Variants in GPM6A observed in about 807,000 individuals in gnomAD.
The protein encoded by GPM6A is glycoprotein M6A.
GPM6A carries 7 observed loss-of-function variants against 32.1 expected under a neutral mutation model. The ratio of observed to expected loss-of-function variants is 0.22; its 90% CI spans 0.12 to 0.41. The LOEUF is 0.41. Ranked by LOEUF, GPM6A falls within the 10% of genes least tolerant of loss-of-function variation. GPM6A has a pLI of 1.00. For missense variants in GPM6A, 235 were observed against 347.2 expected, an observed-to-expected ratio of 0.68 and a Z score of 2.57; for synonymous variants, 130 against 123.4, an observed-to-expected ratio of 1.05 and a Z score of -0.35.
intron 1 of GPM6A, among the ~76,000 whole-genome samples, chr4:175,983,988 CTG>C (rs1026452654): frequency 4.9e-5 from 7 of 141,556 alleles, no homozygotes; most frequent in Non-Finnish European, 1.1e-4. Context: ...TGTGCTCTCT[CTG>C]TCTCTCTCTC....
At chr4:175,730,565 G>T (rs896876602) in intron 1 of GPM6A, among the ~76,000 whole-genome samples, 1 of 151,916 alleles carries the variant, frequency 6.6e-6, no homozygotes, top group Non-Finnish European at 1.5e-5. Flanking sequence ...CCGCCTCCCG[G>T]GTTCACGCCA....
chr4:175,776,992 C>T (rs1298369841), intron 1 of GPM6A, among the ~76,000 whole-genome samples: 1 of 152,160 alleles, frequency 6.6e-6, no homozygotes, highest in Non-Finnish European at 1.5e-5. Flanking sequence ...ACATTTTATA[C>T]ACACATGGGT....
At chr4:175,961,998 C>T in intron 1 of GPM6A, 2 of 559,954 alleles carry the variant, frequency 3.6e-6, no homozygotes, top group Non-Finnish European at 3.3e-6. Flanking sequence ...TGTATATTAA[C>T]AGGGGAGCAC....
intron 1 of GPM6A, among the ~76,000 whole-genome samples, chr4:175,873,046 A>T (rs1736960265): frequency 6.6e-6 from 1 of 152,148 alleles, no homozygotes; most frequent in Non-Finnish European, 1.5e-5. Flanking sequence ...AAAATAATAC[A>T]ATTTTATTTT....
intron 6 of GPM6A, among the ~76,000 whole-genome samples, chr4:175,639,414 G>T (rs1285575903): frequency 6.6e-6 from 1 of 152,134 alleles, no homozygotes; most frequent in African/African-American, 2.4e-5. Context: ...CAGTCGTGAG[G>T]TTACTGGGAG....
intron 1 of GPM6A, among the ~76,000 whole-genome samples, chr4:175,832,943 G>A (rs1735659626): frequency 6.6e-6 from 1 of 152,104 alleles, no homozygotes; most frequent in African/African-American, 2.4e-5. Flanking sequence ...TCTGCACTGC[G>A]AAGCCATCAT....
At chr4:175,672,031 G>A (rs1171832092) in intron 3 of GPM6A, among the ~76,000 whole-genome samples, 1 of 150,046 alleles carries the variant, frequency 6.7e-6, no homozygotes, top group African/African-American at 2.4e-5. Context: ...GTTTTGCTTC[G>A]AAAATTCCTA....
At chr4:175,745,151 A>AT (rs376982422) in intron 1 of GPM6A, among the ~76,000 whole-genome samples, 5 of 152,218 alleles carry the variant, frequency 3.3e-5, no homozygotes, top group Non-Finnish European at 4.4e-5. Context: ...GAAATACCAG[A>AT]TTTTTTTACA....
At chr4:175,755,298 C>A (rs1286566587) in intron 1 of GPM6A, among the ~76,000 whole-genome samples, 1 of 152,064 alleles carries the variant, frequency 6.6e-6, no homozygotes, top group Non-Finnish European at 1.5e-5. Flanking sequence ...AATATGGTAT[C>A]CTTAGCTATA....
intron 1 of GPM6A, among the ~76,000 whole-genome samples, chr4:175,979,227 C>T (rs1178974524): frequency 2.0e-5 from 3 of 152,090 alleles, no homozygotes; most frequent in Non-Finnish European, 4.4e-5. Flanking sequence ...CATAAACTAA[C>T]GACTTGTTTT....
chr4:175,890,948 C>T (rs191071185), intron 1 of GPM6A, among the ~76,000 whole-genome samples: 1 of 152,094 alleles, frequency 6.6e-6, no homozygotes, highest in East Asian at 1.9e-4. Flanking sequence ...TGATACATAG[C>T]CCAAATGATA....
intron 1 of GPM6A, among the ~76,000 whole-genome samples, chr4:175,802,846 A>G (rs980448698): frequency 6.6e-6 from 1 of 152,132 alleles, no homozygotes; most frequent in Non-Finnish European, 1.5e-5. Context: ...TCACAATGCT[A>G]AAAATATGTG....
At chr4:175,898,100 G>T (rs1472561978) in intron 1 of GPM6A, among the ~76,000 whole-genome samples, 2 of 152,140 alleles carry the variant, frequency 1.3e-5, no homozygotes, top group African/African-American at 4.8e-5. Context: ...CACTCTGAGA[G>T]AAACCTTCTA....
chr4:175,791,583 G>A (rs1734015433), intron 1 of GPM6A, among the ~76,000 whole-genome samples: 1 of 152,080 alleles, frequency 6.6e-6, no homozygotes, highest in Non-Finnish European at 1.5e-5. Flanking sequence ...ATTGAACTCA[G>A]AAATTGACTG....
At chr4:175,685,410 A>G (rs189258870) in intron 2 of GPM6A, among the ~76,000 whole-genome samples, 1 of 152,136 alleles carries the variant, frequency 6.6e-6, no homozygotes, top group Non-Finnish European at 1.5e-5. Flanking sequence ...GTAAGTTTTG[A>G]ACGTTTCTTG....
intron 1 of GPM6A, among the ~76,000 whole-genome samples, chr4:175,723,234 A>G (rs1746237600): frequency 6.6e-6 from 1 of 152,216 alleles, no homozygotes; most frequent in Non-Finnish European, 1.5e-5. Context: ...AAAATCCAGA[A>G]CACAAATGTG....
At chr4:175,978,914 TG>T (rs1347277503) in intron 1 of GPM6A, among the ~76,000 whole-genome samples, 1 of 152,024 alleles carries the variant, frequency 6.6e-6, no homozygotes, top group Non-Finnish European at 1.5e-5. Context: ...TTTGCAGTGT[TG>T]TATCTATTTT....
intron 1 of GPM6A, among the ~76,000 whole-genome samples, chr4:175,939,508 T>C (rs1739340495): frequency 1.3e-5 from 2 of 152,146 alleles, no homozygotes; most frequent in Admixed American, 1.3e-4. Context: ...TAAATAAAAA[T>C]CCAATAAATA....
chr4:175,825,099 G>A (rs1477511168), intron 1 of GPM6A, among the ~76,000 whole-genome samples: 1 of 152,006 alleles, frequency 6.6e-6, no homozygotes, highest in Non-Finnish European at 1.5e-5. Context: ...TATATCTCTT[G>A]TAGCCCATAA....
Sources: gnomAD v4.1 joint callset for allele counts (sites outside exome capture counted in the v4.1 genomes callset) on GRCh38, gnomAD v4.1.1 for gene constraint, MANE v1.5 for transcripts, NCBI Gene and HGNC (gene_info 2026-07-23, HGNC 2026-07-21) for gene names.